The following GPC3 variants were observed in gnomAD, a reference collection of about 807,000 sequenced individuals.
GPC3 encodes glypican-3.
GPC3 carries 3 observed loss-of-function variants against 34.4 expected under a neutral mutation model. The observed-to-expected ratio is 0.09, with a 90% CI of 0.04 to 0.23. GPC3 has a LOEUF of 0.23. GPC3 is among the 10% of genes least tolerant of loss of function. GPC3 has a pLI of 1.00. For missense variants in GPC3, 351 were observed against 445.6 expected (o/e 0.79, Z 1.91); for synonymous variants, 177 against 174.0 (o/e 1.02, Z -0.13).
intron 2 of GPC3, among the ~76,000 whole-genome samples, chrX:133,763,963 A>G (rs967554793): frequency 8.9e-6 from 1 of 111,927 alleles, no homozygotes; most frequent in African/African-American, 3.2e-5. Context: ...AAAAAGACAC[A>G]TACACTCACA....
chrX:133,813,987 A>T (rs749542738), intron 2 of GPC3, among the ~76,000 whole-genome samples: 1 of 112,012 alleles, frequency 8.9e-6, no homozygotes, highest in Non-Finnish European at 1.9e-5. Context: ...AAACGTCAGA[A>T]ATGTAAAGGA....
chrX:133,753,978 T>C lies in GPC3; in HGVS notation c.536A>G (p.Tyr179Cys), dbSNP rs2071699695. The change falls in exon 3 of 8, where the codon TAT (tyrosine) becomes TGT (cysteine). Residue 179 changes from tyrosine (Y) to cysteine (C), a missense_variant. Transcript: ENST00000370818. Reference sequence around the variant, plus strand: ...CAGGCCTGGGTTCATTAGCTGGGTATAGATGACTGGAAACAGGCTGTCAAA... The same window carrying C: ...CAGGCCTGGGTTCATTAGCTGGGTACAGATGACTGGAAACAGGCTGTCAAA... ...ELFDSLFPVI[Y>C]TQLMNPGLPD... is the part of the protein sequence containing the mutation. 3 of 1,211,152 alleles carry C rather than the reference T, an allele frequency of 2.5e-6. No individual in the cohort carries two copies. The highest frequency in any genetic ancestry group is 3.4e-6 in the Non-Finnish European group (3 of 894,943).
At chrX:133,629,218 T>C (rs978678048) in intron 6 of GPC3, among the ~76,000 whole-genome samples, 1 of 111,617 alleles carries the variant, frequency 9.0e-6, no homozygotes, top group African/African-American at 3.3e-5. Flanking sequence ...GAAGTAACTA[T>C]ATTAGAAAGA....
intron 2 of GPC3, among the ~76,000 whole-genome samples, chrX:133,937,513 C>T (rs1177825180): frequency 1.8e-5 from 2 of 110,512 alleles, no homozygotes; most frequent in African/African-American, 6.6e-5. Context: ...AGCATGCACA[C>T]TCTTTGGTTT....
At chrX:133,575,204 T>C (rs1186813187) in intron 7 of GPC3, among the ~76,000 whole-genome samples, 2 of 112,211 alleles carry the variant, frequency 1.8e-5, no homozygotes, top group African/African-American at 6.5e-5. Context: ...CAATGTTCCA[T>C]AGGGCCTTGT....
At chrX:133,540,601 T>C (rs1374750864) in intron 7 of GPC3, among the ~76,000 whole-genome samples, 1 of 111,428 alleles carries the variant, frequency 9.0e-6, no homozygotes, top group Admixed American at 9.6e-5. Flanking sequence ...TTGGGTACAG[T>C]GTATACTGCT....
chrX:133,673,167 C>T (rs1417550761), intron 5 of GPC3, among the ~76,000 whole-genome samples: 1 of 98,698 alleles, frequency 1.0e-5, no homozygotes, highest in Admixed American at 1.1e-4. Flanking sequence ...TCTTGAACTC[C>T]GACCTCGTGA....
At chrX:133,885,804 A>G (rs2076059481) in intron 2 of GPC3, among the ~76,000 whole-genome samples, 1 of 112,052 alleles carries the variant, frequency 8.9e-6, no homozygotes, top group Non-Finnish European at 1.9e-5. Context: ...TTTGTTTTGT[A>G]ACACACCAGT....
chrX:133,680,754 T>C (rs1180106054), intron 5 of GPC3, among the ~76,000 whole-genome samples: 1 of 112,156 alleles, frequency 8.9e-6, no homozygotes, highest in Non-Finnish European at 1.9e-5. Context: ...TCATGGTTTT[T>C]AATGTAATTT....
At chrX:133,737,716 C>A (rs1314896378) in intron 3 of GPC3, among the ~76,000 whole-genome samples, 1 of 111,254 alleles carries the variant, frequency 9.0e-6, no homozygotes, top group Non-Finnish European at 1.9e-5. Context: ...AAATTAAATA[C>A]CTATTACGTG....
At chrX:133,845,001 G>A (rs759464160) in intron 2 of GPC3, among the ~76,000 whole-genome samples, 7 of 111,610 alleles carry the variant, frequency 6.3e-5, no homozygotes, top group Admixed American at 3.8e-4. Context: ...GAGGTTGTAG[G>A]TAACAGCAGA....
chrX:133,715,802 T>C (rs769280300), intron 3 of GPC3, among the ~76,000 whole-genome samples: 1 of 110,782 alleles, frequency 9.0e-6, no homozygotes, highest in East Asian at 2.9e-4. Context: ...GGGGATCTAG[T>C]GGGTTACACT....
chrX:133,807,812 G>A (rs1051484747), intron 2 of GPC3, among the ~76,000 whole-genome samples: 6 of 112,581 alleles, frequency 5.3e-5, no homozygotes, highest in Non-Finnish European at 1.1e-4. Flanking sequence ...GATCCCCAAA[G>A]AGTAGTCTCT....
intron 2 of GPC3, among the ~76,000 whole-genome samples, chrX:133,900,223 CTT>C (rs1416157195): frequency 8.9e-6 from 1 of 112,674 alleles, no homozygotes; most frequent in African/African-American, 3.2e-5. Context: ...GCAGAGATCC[CTT>C]TGTTTTTTGG....
At chrX:133,824,107 T>TA (rs2075734307) in intron 2 of GPC3, among the ~76,000 whole-genome samples, 1 of 86,972 alleles carries the variant, frequency 1.1e-5, no homozygotes, top group Non-Finnish European at 2.3e-5. Flanking sequence ...AAAGGAATAA[T>TA]AAAAAATGTT....
intron 1 of GPC3, 70 bp from the exon 2 acceptor site, chrX:133,953,281 C>G: frequency 1.2e-6 from 1 of 861,823 alleles, no homozygotes; most frequent in East Asian, 3.1e-5. Context: ...CCCACACCAC[C>G]CCCACCCCCT....
chrX:133,691,265 G>A (rs937939030), intron 5 of GPC3, among the ~76,000 whole-genome samples: 9 of 110,937 alleles, frequency 8.1e-5, no homozygotes, highest in Non-Finnish European at 1.3e-4. Context: ...TTGGGAGGCC[G>A]AGGCAGGTGG....
chrX:133,586,801 T>G (rs2069792140), intron 7 of GPC3, among the ~76,000 whole-genome samples: 2 of 111,896 alleles, frequency 1.8e-5, no homozygotes, highest in African/African-American at 6.5e-5. Flanking sequence ...GAACATCTTT[T>G]TTTTCAGAGA....
At chrX:133,687,092 A>ATTTTTTTTTTTTTTTT (rs775110101) in intron 5 of GPC3, among the ~76,000 whole-genome samples, 27 of 69,244 alleles carry the variant, frequency 3.9e-4, no homozygotes, top group African/African-American at 2.1e-3. Context: ...TGGCCGGCTA[A>ATTTTTTTTTTTTTTTT]TTTTTTTTTT....
Sources: allele counts gnomAD v4.1 joint callset (sites outside exome capture counted in the v4.1 genomes callset), GRCh38; gene constraint gnomAD v4.1.1; transcripts MANE v1.5; gene names NCBI Gene and HGNC (gene_info 2026-07-23, HGNC 2026-07-21).